PARD3: variants seen among roughly 807,000 people sequenced by gnomAD.
PARD3 encodes the protein par-3 family cell polarity regulator, also known as partitioning defective 3 homolog.
In PARD3, 75 loss-of-function variants were observed where a neutral mutation model predicts 155.4. The observed-to-expected ratio is 0.48, with a 90% CI of 0.40 to 0.58. PARD3 has a LOEUF of 0.58. PARD3 is among the 20% of genes least tolerant of loss of function. The probability of loss-of-function intolerance (pLI) is 0.00; values close to 1 mark genes in which losing one functional copy is unlikely to be tolerated. For missense variants in PARD3, 1,642 were observed against 1,721.7 expected (o/e 0.95, Z 0.82); for synonymous variants, 576 against 610.5 (o/e 0.94, Z 0.83).
chr10:34,719,877 T>C (rs2094576887), intron 1 of PARD3, among the ~76,000 whole-genome samples: 1 of 152,220 alleles, frequency 6.6e-6, no homozygotes, highest in Non-Finnish European at 1.5e-5. Flanking sequence ...AAATCTAGGA[T>C]GACAAACAAC....
At chr10:34,235,231 G>T (rs1953153087) in intron 22 of PARD3, among the ~76,000 whole-genome samples, 1 of 152,138 alleles carries the variant, frequency 6.6e-6, no homozygotes, top group Non-Finnish European at 1.5e-5. Flanking sequence ...AACTATAAAA[G>T]CTTCTTAAAT....
chr10:34,673,249 A>C lies in PARD3; in HGVS notation c.222+23069T>G, dbSNP rs80264380. On this transcript the variant is annotated intron_variant, in intron 2 of 24. Transcript: ENST00000374788. ...AGGAATCTCTCTATCTAGGGAGAGC[A>C]TGATTTTGGGAGAAAGCTTATTTGC... Among the ~76,000 whole-genome samples the C allele has an allele frequency of 2.4e-4, 37 of 152,322 alleles. No individual in the cohort carries two copies. The East Asian group carries it at 6.8e-3, about 28-fold the overall frequency.
chr10:34,654,599 T>C (rs6481906), intron 2 of PARD3, among the ~76,000 whole-genome samples: 3,709 of 152,308 alleles, frequency 0.024, 120 homozygotes, highest in African/African-American at 0.075. Flanking sequence ...TTATATCACA[T>C]TGAACACAAA....
At chr10:34,360,326 G>C (rs922873153) in intron 12 of PARD3, 67 bp from the exon 13 acceptor site, 22 of 1,152,204 alleles carry the variant, frequency 1.9e-5, no homozygotes, top group Non-Finnish European at 2.6e-5. Context: ...TATTTTTAAA[G>C]ACTGCTAATG....
intron 19 of PARD3, among the ~76,000 whole-genome samples, chr10:34,327,624 G>A (rs946147347): frequency 1.3e-5 from 2 of 152,182 alleles, no homozygotes; most frequent in African/African-American, 2.4e-5. Context: ...GGTGCAAGGA[G>A]CTCTCTGTTC....
intron 14 of PARD3, among the ~76,000 whole-genome samples, chr10:34,351,251 G>GTT (rs3842233): frequency 1.7e-4 from 26 of 151,268 alleles, no homozygotes; most frequent in South Asian, 2.1e-4. Context: ...CAATATTTCA[G>GTT]TTTTTTTTTA....
chr10:34,461,812 C>T (rs1292264624), intron 4 of PARD3, among the ~76,000 whole-genome samples: 2 of 152,120 alleles, frequency 1.3e-5, no homozygotes, highest in Admixed American at 6.5e-5. Context: ...CACAAGAAGG[C>T]TTCTGACTTT....
At chr10:34,787,772 TC>T (rs1468231121) in intron 1 of PARD3, among the ~76,000 whole-genome samples, 5 of 146,262 alleles carry the variant, frequency 3.4e-5, no homozygotes, top group Non-Finnish European at 7.5e-5. Context: ...GCAACCAACA[TC>T]CTTTTTTTTT....
chr10:34,236,869 TC>T (rs1351564616), intron 22 of PARD3, among the ~76,000 whole-genome samples: 3 of 152,166 alleles, frequency 2.0e-5, no homozygotes, highest in Non-Finnish European at 2.9e-5. Flanking sequence ...GAATTAGGGT[TC>T]TTAAAAGGAT....
chr10:34,591,110 T>C (rs1234092324), intron 2 of PARD3, among the ~76,000 whole-genome samples: 2 of 152,062 alleles, frequency 1.3e-5, no homozygotes, highest in Non-Finnish European at 2.9e-5. Flanking sequence ...CCAGTCCCAG[T>C]CACGAAGACC....
chr10:34,398,978 C>CA (rs913013611), intron 7 of PARD3, among the ~76,000 whole-genome samples: 2 of 151,950 alleles, frequency 1.3e-5, no homozygotes, highest in African/African-American at 2.4e-5. Context: ...TAAGCTTTCC[C>CA]AAAAAAAGTG....
At chr10:34,138,932 C>A in intron 22 of PARD3, among the ~76,000 whole-genome samples, 1 of 145,948 alleles carries the variant, frequency 6.9e-6, no homozygotes, top group African/African-American at 2.5e-5. Flanking sequence ...ATTGTATCAA[C>A]AATCCTGGAA....
At chr10:34,531,284 T>C (rs1486374961) in intron 2 of PARD3, among the ~76,000 whole-genome samples, 2 of 152,220 alleles carry the variant, frequency 1.3e-5, no homozygotes, top group East Asian at 1.9e-4. Flanking sequence ...TCCTCAATGA[T>C]TGTGCATCTG....
At chr10:34,814,254 A>T (rs1844592794) in intron 1 of PARD3, among the ~76,000 whole-genome samples, 1 of 152,034 alleles carries the variant, frequency 6.6e-6, no homozygotes, top group Non-Finnish European at 1.5e-5. Flanking sequence ...CCCGACCCCA[A>T]GCCGGCGACT....
At chr10:34,370,007 G>T (rs1055720127) in intron 12 of PARD3, among the ~76,000 whole-genome samples, 2 of 152,124 alleles carry the variant, frequency 1.3e-5, no homozygotes, top group African/African-American at 4.8e-5. Context: ...AAGGTAGAAA[G>T]GCAGAGACTG....
chr10:34,282,300 A>G (rs951990550), intron 21 of PARD3, among the ~76,000 whole-genome samples: 5 of 152,142 alleles, frequency 3.3e-5, no homozygotes, highest in Admixed American at 6.6e-5. Context: ...TGACCCTGAA[A>G]GATTTTTATT....
At chr10:34,278,247 T>TA (rs1282625200) in intron 21 of PARD3, among the ~76,000 whole-genome samples, 1 of 152,060 alleles carries the variant, frequency 6.6e-6, no homozygotes, top group Non-Finnish European at 1.5e-5. Context: ...AGAGTCTTGC[T>TA]ATGTTGCCCA....
Position 34,803,744 on chromosome 10 carries a change from A to C in PARD3, c.120+11132T>G, listed in dbSNP as rs1017992517. ...CTTGAACCCAGGAGGTGGAGGTCGC[A>C]GTGAGCCGAGATCGCGCCATTGCAC... is the stretch of plus-strand genomic sequence containing the variant. On this transcript the variant is annotated intron_variant, in intron 1 of 24. Coordinates refer to ENST00000374788, the MANE Select transcript of PARD3 (RefSeq NM_001184785.2). 3.9e-5 allele frequency among the ~76,000 whole-genome samples: 6 copies of C among 152,196 alleles called. No individual in the cohort carries two copies. The East Asian group carries it at 9.7e-4, about 25-fold the overall frequency.
intron 1 of PARD3, among the ~76,000 whole-genome samples, chr10:34,785,003 G>A (rs1311262328): frequency 1.3e-5 from 2 of 152,142 alleles, no homozygotes; most frequent in Non-Finnish European, 2.9e-5. Flanking sequence ...TGCTGGAAAT[G>A]GCTAAAAAGG....
Sources: gnomAD v4.1 joint callset for allele counts (sites outside exome capture counted in the v4.1 genomes callset) on GRCh38, gnomAD v4.1.1 for gene constraint, MANE v1.5 for transcripts, NCBI Gene and HGNC (gene_info 2026-07-23, HGNC 2026-07-21) for gene names.